The following SLC2A14 variants were observed in gnomAD, a reference collection of about 807,000 sequenced individuals.
The protein encoded by SLC2A14 is solute carrier family 2 member 14.
Under a neutral mutation model 43.0 loss-of-function variants are expected in SLC2A14, and 13 were observed. That is an observed-to-expected ratio of 0.30 (90% CI 0.20 to 0.48). The LOEUF (loss-of-function observed/expected upper bound fraction) is 0.48, where lower values mean the gene tolerates loss of function less well. Ranked by LOEUF, SLC2A14 falls within the 20% of genes least tolerant of loss-of-function variation. The pLI is 0.99. For missense variants in SLC2A14, 428 were observed against 620.4 expected, an observed-to-expected ratio of 0.69 and a Z score of 3.29; for synonymous variants, 190 against 233.8, an observed-to-expected ratio of 0.81 and a Z score of 1.71.
intron 1 of SLC2A14, among the ~76,000 whole-genome samples, chr12:7,882,173 AC>A (rs1241304169): frequency 6.6e-6 from 1 of 151,886 alleles, no homozygotes; most frequent in Non-Finnish European, 1.5e-5. Flanking sequence ...TGTAACACTC[AC>A]CGTGAAAGTC....
rs190528683 is a variant in SLC2A14, at chr12:7,818,206, C to T, written c.1072-172G>A. 5.3e-5 allele frequency among the ~76,000 whole-genome samples: 6 copies of T among 113,446 alleles called. No homozygotes were observed. In the East Asian group the frequency reaches 7.1e-4, roughly 13 times the overall value. The allele number at this position is 113,446 out of a possible 152,430, so 74.4% of individuals were successfully genotyped here. ...TTATTTTTATATTTATTTTTTGAGA[C>T]GGGGTCTTACTCTGTTGCCCAGGCT... On this transcript the variant is annotated intron_variant, in intron 9 of 10. Transcript: ENST00000431042.
chr12:7,843,834 G>A (rs919376221), intron 2 of SLC2A14, among the ~76,000 whole-genome samples: 4 of 151,554 alleles, frequency 2.6e-5, no homozygotes, highest in African/African-American at 7.3e-5. Flanking sequence ...CTCATCAGAC[G>A]TTCCAATTAC....
chr12:7,816,533 ATCT>A (rs1373337715), intron 10 of SLC2A14, among the ~76,000 whole-genome samples: 1 of 149,630 alleles, frequency 6.7e-6, no homozygotes, highest in Non-Finnish European at 1.5e-5. Flanking sequence ...CATCTCACCC[ATCT>A]TCTTTTTTCT....
chr12:7,882,320 C>A (rs781590098), intron 1 of SLC2A14, among the ~76,000 whole-genome samples: 1 of 151,876 alleles, frequency 6.6e-6, no homozygotes, highest in Non-Finnish European at 1.5e-5. Context: ...GGGAGACCAC[C>A]AACCCACCAG....
chr12:7,828,977 C>T (rs1864758258), intron 5 of SLC2A14, 111 bp from the exon 6 acceptor site: 2 of 1,329,424 alleles, frequency 1.5e-6, no homozygotes. Context: ...AATTCCAGCA[C>T]TTTGGAAGGC....
At chr12:7,890,420 T>C (rs899357199) in intron 1 of SLC2A14, among the ~76,000 whole-genome samples, 31 of 152,142 alleles carry the variant, frequency 2.0e-4, no homozygotes, top group Admixed American at 6.5e-5. Context: ...CAGTCTTCCC[T>C]GCCCATCCCT....
intron 10 of SLC2A14, among the ~76,000 whole-genome samples, chr12:7,815,224 A>T (rs1863329007): frequency 6.6e-6 from 1 of 151,830 alleles, no homozygotes; most frequent in Non-Finnish European, 1.5e-5. Context: ...CAGCCTGGCC[A>T]ACATGGCAAA....
chr12:7,821,149 T>C (rs1181527933), intron 8 of SLC2A14, 72 bp downstream of exon 8: 2 of 1,153,408 alleles, frequency 1.7e-6, no homozygotes, highest in Admixed American at 1.9e-5. Context: ...GGTGGAGCCA[T>C]GCAATCCATC....
chr12:7,853,785 T>C (rs1296011302), intron 2 of SLC2A14, among the ~76,000 whole-genome samples: 1 of 152,140 alleles, frequency 6.6e-6, no homozygotes, highest in Non-Finnish European at 1.5e-5. Context: ...AAACAGGTCA[T>C]GAAGAACAGC....
At chr12:7,880,732 C>T (rs182850396) in intron 1 of SLC2A14, among the ~76,000 whole-genome samples, 4 of 146,324 alleles carry the variant, frequency 2.7e-5, no homozygotes, top group Admixed American at 6.9e-5. Context: ...ATTGGCCGGG[C>T]GCAGTGGCTC....
intron 1 of SLC2A14, among the ~76,000 whole-genome samples, chr12:7,881,156 C>T (rs979635113): frequency 2.0e-5 from 3 of 152,160 alleles, no homozygotes; most frequent in Non-Finnish European, 2.9e-5. Flanking sequence ...GGCACTTCCT[C>T]TGCCTGGGCT....
chr12:7,838,872 A>C (rs186217586), intron 2 of SLC2A14, among the ~76,000 whole-genome samples: 5 of 152,052 alleles, frequency 3.3e-5, no homozygotes, highest in Admixed American at 2.0e-4. Flanking sequence ...GATTACATGA[A>C]GTCACTAGGG....
intron 2 of SLC2A14, among the ~76,000 whole-genome samples, chr12:7,855,950 T>C (rs1054806681): frequency 6.6e-6 from 1 of 151,956 alleles, no homozygotes; most frequent in African/African-American, 2.4e-5. Flanking sequence ...AAGCTCCCTC[T>C]CAATGCACCA....
intron 2 of SLC2A14, among the ~76,000 whole-genome samples, chr12:7,839,389 G>A (rs1865730244): frequency 6.6e-6 from 1 of 151,964 alleles, no homozygotes. Context: ...GGTGTCAAAA[G>A]GCGGATTTGG....
chr12:7,888,033 T>C (rs779323954), intron 1 of SLC2A14, among the ~76,000 whole-genome samples: 1 of 152,080 alleles, frequency 6.6e-6, no homozygotes, highest in Non-Finnish European at 1.5e-5. Flanking sequence ...TGGCCCCTCA[T>C]TGATCCAGGA....
At chr12:7,852,233 T>G (rs1866991973) in intron 2 of SLC2A14, among the ~76,000 whole-genome samples, 1 of 152,020 alleles carries the variant, frequency 6.6e-6, no homozygotes, top group African/African-American at 2.4e-5. Context: ...TGAGATATGG[T>G]GAAAGTATAA....
intron 2 of SLC2A14, chr12:7,863,242 G>A (rs765682913): frequency 5.7e-6 from 2 of 353,432 alleles, no homozygotes; most frequent in South Asian, 2.0e-5. Context: ...ACTCACGGCG[G>A]AAGTCTGCAG....
chr12:7,877,561 G>A (rs1480327804), upstream of SLC2A14, among the ~76,000 whole-genome samples: 1 of 151,834 alleles, frequency 6.6e-6, no homozygotes, highest in East Asian at 1.9e-4. Flanking sequence ...GAGTTGCTGG[G>A]AATACAGGCA....
intron 1 of SLC2A14, among the ~76,000 whole-genome samples, chr12:7,889,571 T>C: frequency 6.7e-6 from 1 of 149,568 alleles, no homozygotes. Flanking sequence ...GTTTTGCTCT[T>C]GTTGCCCAGG....
Sources: gnomAD v4.1 joint callset for allele counts (sites outside exome capture counted in the v4.1 genomes callset) on GRCh38, gnomAD v4.1.1 for gene constraint, MANE v1.5 for transcripts, NCBI Gene and HGNC (gene_info 2026-07-23, HGNC 2026-07-21) for gene names.